The following CPSF1 variants were observed in gnomAD, a reference collection of about 807,000 sequenced individuals.
CPSF1 encodes the protein cleavage and polyadenylation specificity factor subunit 1.
CPSF1 carries 106 observed loss-of-function variants against 175.8 expected under a neutral mutation model. The observed-to-expected ratio is 0.60, with a 90% confidence interval of 0.52 to 0.71. The LOEUF is 0.71. Ranked by LOEUF, CPSF1 falls within the 30% of genes least tolerant of loss-of-function variation. The probability of loss-of-function intolerance (pLI) is 0.00; values close to 1 mark genes in which losing one functional copy is unlikely to be tolerated. For missense variants in CPSF1, 1,734 were observed against 2,022.9 expected, an observed-to-expected ratio of 0.86 and a Z score of 2.74; for synonymous variants, 1,024 against 858.3, an observed-to-expected ratio of 1.19 and a Z score of -3.37.
chr8:144,397,159 AG>A, intron 23 of CPSF1, 47 bp downstream of exon 23: 1 of 1,479,636 alleles, frequency 6.8e-7, no homozygotes, highest in Non-Finnish European at 9.0e-7. Context: ...GGGAACGGGC[AG>A]GGCCAGGGGG....
chr8:144,394,612 C>A, intron 31 of CPSF1, 32 bp downstream of exon 31: 1 of 1,601,706 alleles, frequency 6.2e-7, no homozygotes. Context: ...GAGGGTGAGC[C>A]GGGGGACACA....
Position 144,400,239 on chromosome 8 carries a change from G to A in CPSF1, c.864C>T (p.Tyr288=), listed in dbSNP as rs2116873764. The A allele has an allele frequency of 1.5e-5, 24 of 1,592,236 alleles. No homozygotes were observed. Among genetic ancestry groups the A allele is most frequent in the Non-Finnish European group, 1.9e-5 (22 of 1,167,658 alleles). The change falls in exon 9 of 38, where the codon TAC becomes TAT. Residue 288 remains tyrosine (Y), a synonymous_variant. Coordinates refer to ENST00000616140, the MANE Select transcript of CPSF1 (RefSeq NM_013291.3). ...CATACGGGGGGACGCTCTGGTTCAG[G>A]TACAACAGCGAGTTGACGGCAAACA... The part of the protein sequence containing the change: ...VVVFAVNSLL[Y]LNQSVPPYGV...
chr8:144,393,379 A>C lies in CPSF1; in HGVS notation c.4285-14T>G. ...GTCGTCCAGGATCTGCAGGGGATGG[A>C]AGGGTGGGTGGGTGGGTGGGTGGGG... is the stretch of plus-strand genomic sequence containing the variant. On this transcript the variant is annotated splice_polypyrimidine_tract_variant and intron_variant, in intron 37 of 37. Coordinates refer to ENST00000616140, the MANE Select transcript of CPSF1 (RefSeq NM_013291.3). 1.9e-6 allele frequency: 1 copy of C among 537,142 alleles called. No homozygotes were observed. The highest frequency in any genetic ancestry group is 2.7e-6 in the Non-Finnish European group (1 of 372,046). 33.3% of individuals were successfully genotyped at this position (537,142 alleles called of 1,614,324 possible).
In CPSF1 at chr8:144,397,201, A is replaced by G; in HGVS notation, c.2592+6T>C. On this transcript the variant is annotated splice_donor_region_variant and intron_variant, in intron 23 of 37. Coordinates refer to ENST00000616140, the MANE Select transcript of CPSF1 (RefSeq NM_013291.3). Reference sequence around the variant, plus strand: ...GGGAAGGGGAGGCCAGGCCAGGCGCACTCACCAGCAGGTAGGGCCTGCTCT... The same window carrying G: ...GGGAAGGGGAGGCCAGGCCAGGCGCGCTCACCAGCAGGTAGGGCCTGCTCT... The G allele has an allele frequency of 1.3e-6, 2 of 1,532,444 alleles. No individual in the cohort carries two copies. Among genetic ancestry groups the G allele is most frequent in the East Asian group, 2.5e-5 (1 of 40,630 alleles). 94.9% of individuals were successfully genotyped at this position (1,532,444 alleles called of 1,614,324 possible).
At chr8:144,396,174 C>T (rs1820713766) in intron 26 of CPSF1, 174 bp downstream of exon 26, 2 of 708,508 alleles carry the variant, frequency 2.8e-6, no homozygotes, top group Non-Finnish European at 4.6e-6. Context: ...CTTTCCAGAC[C>T]TTTGGAGCAA....
In CPSF1 at chr8:144,399,390, C is replaced by A. The variant is rs1224935155; in HGVS notation, c.1295-17G>T. 1 of 1,612,722 alleles carries A rather than the reference C, an allele frequency of 6.2e-7. No individual in the cohort carries two copies. The highest frequency in any genetic ancestry group is 1.7e-5 in the Admixed American group (1 of 59,982). On this transcript the variant is annotated splice_polypyrimidine_tract_variant and intron_variant, in intron 13 of 37. Transcript: ENST00000616140. The surrounding 1 kb of genome is among the most constrained non-coding windows in gnomAD (Gnocchi z 6.4). Reference sequence around the variant, plus strand: ...TACCCGCAGCTGCACACAGAGAGCCCACTTGAGCGCAGCCCTGGGTCACCT... The same window carrying A: ...TACCCGCAGCTGCACACAGAGAGCCAACTTGAGCGCAGCCCTGGGTCACCT...
In CPSF1 at chr8:144,399,545, G is replaced by A; in HGVS notation, c.1243-42C>T. On this transcript the variant is annotated intron_variant, in intron 12 of 37. Transcript: ENST00000616140. This position sits in a 1 kb window ranked among gnomAD's most constrained non-coding sequence, Gnocchi z 6.4. ...GCACTGAGTGGCATGCCACAGCAGT[G>A]CCCACATGAAGGGTGGTGGCCCAAT... 1.9e-6 allele frequency: 3 copies of A among 1,611,724 alleles called. No individual in the cohort carries two copies. The highest frequency in any genetic ancestry group is 2.5e-6 in the Non-Finnish European group (3 of 1,179,372).
At position 144,393,938 on chromosome 8, in the gene CPSF1, A is replaced by G; in HGVS notation, c.3960T>C (p.Thr1320=). The part of the protein sequence containing the change: ...TFWRTPCRGA[T]EGLSKKSVVW... ...CGACCGACTTTTTGCTGAGCCCTTC[A>G]GTGGCCCCCCGGCACGGGGTCCTCC... The change falls in exon 35 of 38, where the codon ACT becomes ACC. Residue 1320 remains threonine, a synonymous_variant. Coordinates refer to ENST00000616140, the MANE Select transcript of CPSF1 (RefSeq NM_013291.3). 2 of 1,613,528 alleles carry G rather than the reference A, an allele frequency of 1.2e-6. No individual in the cohort carries two copies. Among genetic ancestry groups the G allele is most frequent in the Non-Finnish European group, 1.7e-6 (2 of 1,179,830 alleles).
Position 144,394,044 on chromosome 8 carries a change from C to A in CPSF1, c.3860-6G>T, listed in dbSNP as rs1490819602. The stretch of plus-strand genomic sequence containing the variant: ...GCCCCCGAAACTCTCCTTGGCTAGA[C>A]CAGAAAGGCCTAGGGGTCACTGCTA... On this transcript the variant is annotated splice_region_variant and splice_polypyrimidine_tract_variant and intron_variant, in intron 34 of 37. Transcript: ENST00000616140. The A allele has an allele frequency of 2.5e-6, 4 of 1,610,760 alleles. No individual in the cohort carries two copies. The highest frequency in any genetic ancestry group is 2.2e-5 in the East Asian group (1 of 44,788).
In CPSF1 at chr8:144,393,658, G is replaced by A. The variant is rs782204115; in HGVS notation, c.4145+9C>T. 39 of 1,565,850 alleles carry A rather than the reference G, an allele frequency of 2.5e-5. No homozygotes were observed. The highest frequency in any genetic ancestry group is 1.7e-4 in the African/African-American group (13 of 74,588). On this transcript the variant is annotated intron_variant, in intron 36 of 37. Transcript: ENST00000616140. Reference sequence around the variant, plus strand: ...GGGGGTGCTGCACGGGGGCGGGGCCGGGGCTCACCGGAAGGCGCGGGGGTT... The same window carrying A: ...GGGGGTGCTGCACGGGGGCGGGGCCAGGGCTCACCGGAAGGCGCGGGGGTT...
At position 144,400,469 on chromosome 8, in the gene CPSF1, C is replaced by T. The variant is rs202180205; in HGVS notation, c.711G>A (p.Thr237=). ...TCAGTGAGATGGCCACAATGGAGCA[C>T]GTGTCCTGCCGCACGGCCACGCGCC... ...WPGRVAVRQD[T]CSIVAISLNI... is the part of the protein sequence containing the mutation. Residue 237 remains threonine, a synonymous_variant, in exon 8 of 38, where the codon ACG becomes ACA. Coordinates refer to ENST00000616140, the MANE Select transcript of CPSF1 (RefSeq NM_013291.3). 6.6e-5 allele frequency: 107 copies of T among 1,613,030 alleles called. 1 individual carries two copies. In the South Asian group the frequency reaches 8.7e-4, roughly 13 times the overall value.
At chr8:144,402,080 T>C (rs1821239312) in intron 2 of CPSF1, among the ~76,000 whole-genome samples, 1 of 152,212 alleles carries the variant, frequency 6.6e-6, no homozygotes, top group South Asian at 2.1e-4. Context: ...AAGGGGTATC[T>C]GTAGCTACTG....
intron 2 of CPSF1, 28 bp downstream of exon 2, chr8:144,408,987 C>CG: frequency 1.2e-6 from 2 of 1,607,064 alleles, no homozygotes; most frequent in South Asian, 2.2e-5. Flanking sequence ...TCGCGGACAG[C>CG]CGGGAGGGCT....
At position 144,398,826 on chromosome 8, in the gene CPSF1, C is replaced by A. The variant is rs2116855406; in HGVS notation, c.1591G>T (p.Gly531Cys). 1 of 1,608,956 alleles carries A rather than the reference C, an allele frequency of 6.2e-7. No individual in the cohort carries two copies. The highest frequency in any genetic ancestry group is 1.1e-5 in the South Asian group (1 of 90,702). Residue 531 changes from glycine to cysteine, a missense_variant, in exon 17 of 38, where the codon GGC becomes TGC. By Grantham distance (159) the Gly-to-Cys change is radical. This residue lies in a region of CPSF1 where 280 missense variants were observed against 349.2 expected (regional missense o/e 0.80). Transcript: ENST00000616140. ...PQVVTTFELP[G>C]CYDMWTVIAP... The stretch of plus-strand genomic sequence containing the variant: ...ATGACTGTCCACATGTCATAGCAGC[C>A]GGGAAGCTCAAAGGTTGTCACCACC...
intron 26 of CPSF1, chr8:144,395,849 G>T: frequency 1.9e-6 from 1 of 526,596 alleles, no homozygotes; most frequent in Admixed American, 3.3e-5. Flanking sequence ...CCATGCTGGG[G>T]ACTGAAAACC....
rs2116882945 is a variant in CPSF1, at chr8:144,401,246, G to A, written c.352C>T (p.Leu118=). The A allele has an allele frequency of 2.6e-5, 40 of 1,551,756 alleles. No individual in the cohort carries two copies. Among genetic ancestry groups the A allele is most frequent in the Non-Finnish European group, 3.4e-5 (39 of 1,147,562 alleles). Residue 118 remains leucine (L), a synonymous_variant, in exon 5 of 38, where the codon CTG becomes TTG. Transcript: ENST00000616140. The part of the protein sequence containing the change: ...YDPGTHDLKT[L]SLHYFEEPEL... ...GGCTCCTCAAAGTAGTGCAGTGACA[G>A]GGTCTTCAGGTCATGGGTGCCCGGG...
At position 144,393,657 on chromosome 8, in the gene CPSF1, C is replaced by G; in HGVS notation, c.4145+10G>C. On this transcript the variant is annotated intron_variant, in intron 36 of 37. Coordinates refer to ENST00000616140, the MANE Select transcript of CPSF1 (RefSeq NM_013291.3). ...AGGGGGTGCTGCACGGGGGCGGGGCCGGGGCTCACCGGAAGGCGCGGGGGT... is the reference window on the plus strand; with the variant it reads ...AGGGGGTGCTGCACGGGGGCGGGGCGGGGGCTCACCGGAAGGCGCGGGGGT... The G allele has an allele frequency of 6.4e-7, 1 of 1,565,598 alleles. No homozygotes were observed. The highest frequency in any genetic ancestry group is 8.6e-7 in the Non-Finnish European group (1 of 1,162,434).
rs1554862934 is a variant in CPSF1 at position 144,394,695 on chromosome 8, C to G, written c.3516G>C (p.Val1172=). ...GGCCATTGCAGTGGCACAGGGCGGT[C>G]ACGGGCCCCTTCTGCTCCTTCTCGT... ...VLYEKEQKGP[V]TALCHCNGHL... Residue 1172 remains valine, a synonymous_variant, in exon 31 of 38, where the codon GTG becomes GTC. Coordinates refer to ENST00000616140, the MANE Select transcript of CPSF1 (RefSeq NM_013291.3). 1 of 1,612,650 alleles carries G rather than the reference C, an allele frequency of 6.2e-7. No homozygotes were observed. The highest frequency in any genetic ancestry group is 1.3e-5 in the African/African-American group (1 of 74,908).
chr8:144,397,067 G>A, intron 23 of CPSF1, 138 bp from the exon 24 acceptor site: 1 of 933,918 alleles, frequency 1.1e-6, no homozygotes, highest in Non-Finnish European at 1.6e-6. Flanking sequence ...GCGGGGCTGT[G>A]AGGGAGATGG....
Sources: allele counts gnomAD v4.1 joint callset (sites outside exome capture counted in the v4.1 genomes callset), GRCh38; gene constraint gnomAD v4.1.1; regional missense constraint gnomAD v4.1.1; non-coding constraint Gnocchi (gnomAD v3.1); transcripts MANE v1.5; gene names NCBI Gene and HGNC (gene_info 2026-07-23, HGNC 2026-07-21).